Variants in PRPS2 observed in about 807,000 individuals in gnomAD.
PRPS2 encodes the protein ribose-phosphate pyrophosphokinase 2.
For synonymous variants in PRPS2, 111 were observed against 115.3 expected (o/e 0.96, Z 0.24); for missense variants, 104 against 271.5 (o/e 0.38, Z 4.34).
At chrX:12,791,666 G>C in intron 1 of PRPS2, 47 bp downstream of exon 1, 1 of 922,124 alleles carries the variant, frequency 1.1e-6, no homozygotes, top group Non-Finnish European at 1.4e-6. Context: ...CTGGGCACGC[G>C]GCTGCGGGGC....
chrX:12,799,089 A>G (rs763742598), intron 1 of PRPS2, 118 bp from the exon 2 acceptor site: 7 of 640,877 alleles, frequency 1.1e-5, no homozygotes, highest in Middle Eastern at 8.1e-4. Context: ...CATGAGTGCA[A>G]CTATTAGGCT....
intron 1 of PRPS2, among the ~76,000 whole-genome samples, chrX:12,792,078 C>T (rs994641154): frequency 5.3e-5 from 6 of 113,223 alleles, no homozygotes; most frequent in Non-Finnish European, 7.5e-5. Context: ...AGCTGAACCT[C>T]AGACCAGTGC....
At chrX:12,809,699 G>A (rs1016007331) in intron 3 of PRPS2, among the ~76,000 whole-genome samples, 2 of 112,136 alleles carry the variant, frequency 1.8e-5, no homozygotes, top group African/African-American at 6.5e-5. Flanking sequence ...TGAACGTGAA[G>A]TATTTGATTT....
chrX:12,812,009 G>A (rs1285337342), intron 4 of PRPS2, among the ~76,000 whole-genome samples: 2 of 112,106 alleles, frequency 1.8e-5, no homozygotes, highest in Admixed American at 9.4e-5. Flanking sequence ...GGGCAGTCAC[G>A]GGGTGGAGGG....
chrX:12,794,075 TAATA>T (rs2042532188), intron 1 of PRPS2, among the ~76,000 whole-genome samples: 1 of 112,678 alleles, frequency 8.9e-6, no homozygotes, highest in Admixed American at 9.4e-5. Flanking sequence ...GGTTACCATG[TAATA>T]AATAAAGAGC....
At chrX:12,811,274 G>C (rs750914906) in intron 4 of PRPS2, among the ~76,000 whole-genome samples, 2 of 112,536 alleles carry the variant, frequency 1.8e-5, no homozygotes, top group East Asian at 2.8e-4. Flanking sequence ...AGGTGAAGGA[G>C]AGTTAACAAC....
At chrX:12,797,704 G>A (rs1016280376) in intron 1 of PRPS2, among the ~76,000 whole-genome samples, 15 of 111,945 alleles carry the variant, frequency 1.3e-4, no homozygotes, top group African/African-American at 4.9e-4. Context: ...TGGTTTGGAC[G>A]CAGAGCTCTG....
intron 4 of PRPS2, among the ~76,000 whole-genome samples, chrX:12,817,436 C>T (rs68015917): frequency 0.13 from 12,064 of 94,820 alleles, 916 homozygotes; most frequent in East Asian, 0.38. Flanking sequence ...TCTTATTTTC[C>T]CCTCTTTACA....
intron 4 of PRPS2, among the ~76,000 whole-genome samples, chrX:12,818,366 CAAAAAAAAAA>C (rs35450855): frequency 3.2e-5 from 2 of 62,920 alleles, no homozygotes; most frequent in Non-Finnish European, 5.9e-5. Flanking sequence ...GAAACTGTCT[CAAAAAAAAAA>C]AAAAAAAAGA....
intron 4 of PRPS2, among the ~76,000 whole-genome samples, chrX:12,813,888 C>G (rs903945452): frequency 3.6e-5 from 4 of 111,330 alleles, no homozygotes; most frequent in African/African-American, 1.3e-4. Flanking sequence ...AACCTTCTTA[C>G]GTAGTCAGGT....
chrX:12,801,028 G>A (rs2042566567), intron 2 of PRPS2, among the ~76,000 whole-genome samples: 1 of 112,239 alleles, frequency 8.9e-6, no homozygotes, highest in Admixed American at 9.4e-5. Flanking sequence ...ACTGAAATGT[G>A]AATTTCATAT....
At chrX:12,802,960 A>T (rs766826002) in intron 2 of PRPS2, among the ~76,000 whole-genome samples, 15 of 112,359 alleles carry the variant, frequency 1.3e-4, no homozygotes, top group Non-Finnish European at 2.3e-4. Flanking sequence ...TTAGGAAGTC[A>T]TGTGGTTTCT....
intron 2 of PRPS2, among the ~76,000 whole-genome samples, chrX:12,807,942 A>G (rs1293168750): frequency 1.0e-5 from 1 of 95,588 alleles, no homozygotes; most frequent in Non-Finnish European, 2.0e-5. Context: ...ATCTCGGCTC[A>G]CTGCAACCTC....
chrX:12,809,976 A>G (rs777724595), intron 3 of PRPS2, 46 bp from the exon 4 acceptor site: 1 of 1,098,418 alleles, frequency 9.1e-7, no homozygotes, highest in African/African-American at 1.9e-5. Context: ...AAAAGAAAAC[A>G]AAACAAAACA....
Position 12,822,891 on chromosome X carries a change from T to A in PRPS2, c.*95T>A. 1 of 617,476 alleles carries A rather than the reference T, an allele frequency of 1.6e-6. No homozygotes were observed. The highest frequency in any genetic ancestry group is 2.6e-6 in the Non-Finnish European group (1 of 377,585). The allele number at this position is 617,476 out of a possible 1,213,427, so 50.9% of individuals were successfully genotyped here. On this transcript the variant is annotated 3_prime_UTR_variant, in exon 7 of 7. Coordinates refer to ENST00000380668, the MANE Select transcript of PRPS2 (RefSeq NM_002765.5). ...CTGTAGGTATTCAGCAATGATAGGT[T>A]AATCACTGGCAAAAGCATCAGATCT...
At chrX:12,808,371 C>CT (rs1193498345) in intron 2 of PRPS2, among the ~76,000 whole-genome samples, 1 of 104,356 alleles carries the variant, frequency 9.6e-6, no homozygotes, top group African/African-American at 3.5e-5. Context: ...CTTTTATTTT[C>CT]TTTTTTGTGG....
chrX:12,813,004 T>C (rs2042631407), intron 4 of PRPS2, among the ~76,000 whole-genome samples: 1 of 112,209 alleles, frequency 8.9e-6, no homozygotes, highest in African/African-American at 3.2e-5. Flanking sequence ...TATGACCATC[T>C]TTCTTTCCTC....
chrX:12,815,747 G>A (rs2042644434), intron 4 of PRPS2, among the ~76,000 whole-genome samples: 1 of 111,328 alleles, frequency 9.0e-6, no homozygotes, highest in African/African-American at 3.3e-5. Context: ...GGGATCAAGC[G>A]ATTCTCCCGC....
At chrX:12,817,660 A>G (rs2042655101) in intron 4 of PRPS2, among the ~76,000 whole-genome samples, 1 of 111,161 alleles carries the variant, frequency 9.0e-6, no homozygotes, top group African/African-American at 3.3e-5. Flanking sequence ...CTGAGTGGCC[A>G]TGAACAGATG....
Sources: allele counts gnomAD v4.1 joint callset (sites outside exome capture counted in the v4.1 genomes callset), GRCh38; gene constraint gnomAD v4.1.1; transcripts MANE v1.5; gene names NCBI Gene and HGNC (gene_info 2026-07-23, HGNC 2026-07-21).